Variants in ME1 observed in about 807,000 individuals in gnomAD.
ME1 encodes NADP-dependent malic enzyme.
A neutral mutation model predicts 66.4 loss-of-function variants in ME1; 74 were observed. The ratio of observed to expected loss-of-function variants is 1.11; its 90% CI spans 0.92 to 1.35. ME1 has a LOEUF of 1.35. Ranked by LOEUF, ME1 falls within the 40% of genes most tolerant of loss-of-function variation. The pLI is 0.00. For missense variants in ME1, 750 were observed against 694.1 expected (o/e 1.08, Z -0.90); for synonymous variants, 251 against 235.6 (o/e 1.07, Z -0.60).
At chr6:83,223,409 C>T (rs1790129244) in intron 12 of ME1, among the ~76,000 whole-genome samples, 1 of 152,220 alleles carries the variant, frequency 6.6e-6, no homozygotes, top group Admixed American at 6.5e-5. Context: ...CCTGCCTCAG[C>T]CTCCCAAAGT....
intron 5 of ME1, among the ~76,000 whole-genome samples, chr6:83,319,080 A>G (rs1768098581): frequency 6.6e-6 from 1 of 150,588 alleles, no homozygotes; most frequent in African/African-American, 2.4e-5. Flanking sequence ...GCATGTTCTC[A>G]CTCATAGGTG....
At chr6:83,332,313 T>C (rs1235766555) in intron 5 of ME1, among the ~76,000 whole-genome samples, 1 of 152,224 alleles carries the variant, frequency 6.6e-6, no homozygotes, top group Non-Finnish European at 1.5e-5. Context: ...ATTGAGAATG[T>C]AAATTAGTAT....
chr6:83,259,286 T>A (rs1039516587), intron 6 of ME1, among the ~76,000 whole-genome samples: 104 of 152,218 alleles, frequency 6.8e-4, no homozygotes, highest in African/African-American at 2.5e-3. Flanking sequence ...GAAACATGGA[T>A]CTTGCCCTGG....
At chr6:83,333,025 GT>G (rs1768444383) in intron 5 of ME1, among the ~76,000 whole-genome samples, 1 of 152,146 alleles carries the variant, frequency 6.6e-6, no homozygotes, top group African/African-American at 2.4e-5. Context: ...CTTAAAAGCA[GT>G]CAGGCAAGTG....
chr6:83,374,715 T>C (rs928560745), intron 3 of ME1, among the ~76,000 whole-genome samples: 1 of 152,212 alleles, frequency 6.6e-6, no homozygotes, highest in African/African-American at 2.4e-5. Flanking sequence ...CTTCTAGAGT[T>C]TTCATGGTTT....
chr6:83,280,440 T>G (rs762117031), intron 6 of ME1, among the ~76,000 whole-genome samples: 2 of 152,180 alleles, frequency 1.3e-5, no homozygotes, highest in Non-Finnish European at 2.9e-5. Context: ...AAATGTATAC[T>G]ATAAACTCTG....
intron 6 of ME1, among the ~76,000 whole-genome samples, chr6:83,304,710 ATAGT>A (rs1360252413): frequency 6.6e-6 from 1 of 152,202 alleles, no homozygotes; most frequent in Non-Finnish European, 1.5e-5. Context: ...GGCTTGCTTT[ATAGT>A]TAGTGAAATA....
intron 6 of ME1, among the ~76,000 whole-genome samples, chr6:83,309,301 C>T (rs1360821278): frequency 6.6e-6 from 1 of 152,014 alleles, no homozygotes; most frequent in Non-Finnish European, 1.5e-5. Context: ...ATTTCATTAA[C>T]AGTTAAAAAA....
chr6:83,328,072 C>T (rs1159466701), intron 5 of ME1, among the ~76,000 whole-genome samples: 1 of 152,124 alleles, frequency 6.6e-6, no homozygotes, highest in Admixed American at 6.6e-5. Context: ...AATCCAAATG[C>T]CCATCAATGT....
intron 1 of ME1, among the ~76,000 whole-genome samples, chr6:83,409,221 T>C (rs1770001755): frequency 6.6e-6 from 1 of 152,202 alleles, no homozygotes; most frequent in Non-Finnish European, 1.5e-5. Context: ...AGCCAGTACA[T>C]GGTATTCCGT....
intron 6 of ME1, among the ~76,000 whole-genome samples, chr6:83,268,063 T>C (rs959647337): frequency 1.3e-5 from 2 of 152,224 alleles, no homozygotes; most frequent in African/African-American, 4.8e-5. Flanking sequence ...ACATTCTATA[T>C]GTTCTAAATT....
chr6:83,321,224 G>T (rs766119396), intron 5 of ME1, among the ~76,000 whole-genome samples: 1 of 152,118 alleles, frequency 6.6e-6, no homozygotes, highest in Non-Finnish European at 1.5e-5. Context: ...ACAAAACTGG[G>T]TGGTCATTTG....
chr6:83,282,328 C>A (rs1056002372), intron 6 of ME1, among the ~76,000 whole-genome samples: 8 of 152,142 alleles, frequency 5.3e-5, no homozygotes, highest in Non-Finnish European at 1.0e-4. Context: ...GAACAGGCAA[C>A]CTACAGAATA....
intron 3 of ME1, among the ~76,000 whole-genome samples, chr6:83,369,427 C>T (rs1769153973): frequency 6.6e-6 from 1 of 152,054 alleles, no homozygotes; most frequent in Admixed American, 6.6e-5. Flanking sequence ...CTTATTTTCT[C>T]CCTTTACCTA....
At chr6:83,321,395 A>T (rs186008074) in intron 5 of ME1, among the ~76,000 whole-genome samples, 11 of 152,254 alleles carry the variant, frequency 7.2e-5, no homozygotes, top group Non-Finnish European at 1.6e-4. Flanking sequence ...CCAGCAAGCT[A>T]AGATCCACTG....
At chr6:83,405,492 T>C (rs1769921439) in intron 2 of ME1, among the ~76,000 whole-genome samples, 1 of 152,106 alleles carries the variant, frequency 6.6e-6, no homozygotes, top group African/African-American at 2.4e-5. Context: ...TGAATATGCT[T>C]TATTTCTTTC....
intron 6 of ME1, among the ~76,000 whole-genome samples, chr6:83,261,134 C>T (rs955671987): frequency 2.0e-5 from 3 of 152,104 alleles, no homozygotes; most frequent in Non-Finnish European, 4.4e-5. Flanking sequence ...TATTTTTTGA[C>T]TTTTTAATAA....
chr6:83,391,195 G>A (rs1175835420), intron 3 of ME1, among the ~76,000 whole-genome samples: 3 of 152,066 alleles, frequency 2.0e-5, no homozygotes, highest in Admixed American at 6.6e-5. Flanking sequence ...GCAGGCTGTA[G>A]TATTACTCCC....
intron 9 of ME1, 68 bp from the exon 10 acceptor site, chr6:83,228,999 A>C: frequency 2.1e-6 from 2 of 970,428 alleles, no homozygotes; most frequent in South Asian, 1.4e-5. Flanking sequence ...ATTTCGGTAC[A>C]TATATTACAA....
Sources: gnomAD v4.1 joint callset for allele counts (sites outside exome capture counted in the v4.1 genomes callset) on GRCh38, gnomAD v4.1.1 for gene constraint, MANE v1.5 for transcripts, NCBI Gene and HGNC (gene_info 2026-07-23, HGNC 2026-07-21) for gene names.